Variants in NPHP1 observed in about 807,000 individuals in gnomAD.
The protein encoded by NPHP1 is nephrocystin-1.
In NPHP1, 70 loss-of-function variants were observed where a neutral mutation model predicts 90.4. That is an observed-to-expected ratio of 0.77 (90% confidence interval 0.64 to 0.95). The LOEUF (loss-of-function observed/expected upper bound fraction) is 0.95, where lower values mean the gene tolerates loss of function less well. NPHP1 is among the 40% of genes least tolerant of loss of function. The pLI, the probability that NPHP1 is intolerant of heterozygous loss-of-function variation, is 0.00. For synonymous variants in NPHP1, 256 were observed against 271.7 expected, an observed-to-expected ratio of 0.94 and a Z score of 0.57; for missense variants, 764 against 795.9, an observed-to-expected ratio of 0.96 and a Z score of 0.48.
chr2:110,123,564 T>C lies in NPHP1; in HGVS notation c.*227A>G, dbSNP rs1396036639. Reference sequence around the variant, plus strand: ...TAGCTGTTTTTGAAAAAATAAATACTGTTTAAATTTAGATATAACAGTATT... The same window carrying C: ...TAGCTGTTTTTGAAAAAATAAATACCGTTTAAATTTAGATATAACAGTATT... On this transcript the variant is annotated 3_prime_UTR_variant, in exon 20 of 20. Transcript: ENST00000445609. 4 of 451,954 alleles carry C rather than the reference T, an allele frequency of 8.9e-6. No homozygotes were observed. The Admixed American group carries it at 1.5e-4, about 16-fold the overall frequency. 28.0% of individuals were successfully genotyped at this position (451,954 alleles called of 1,614,324 possible). A position where few individuals can be genotyped will look rare whatever the true frequency, so the allele number is the denominator to read the frequency against.
intron 16 of NPHP1, among the ~76,000 whole-genome samples, chr2:110,142,068 A>T (rs1680688758): frequency 6.6e-6 from 1 of 152,060 alleles, no homozygotes; most frequent in African/African-American, 2.4e-5. Context: ...TCTCACTCCT[A>T]GGTATTTATA....
At chr2:110,174,289 GT>G (rs1406164198) in intron 4 of NPHP1, among the ~76,000 whole-genome samples, 8 of 151,952 alleles carry the variant, frequency 5.3e-5, no homozygotes, top group Admixed American at 1.3e-4. Context: ...TGTCTCATCT[GT>G]TTATTTCTCC....
rs746027698 is a variant in NPHP1, at chr2:110,143,586, T to C, written c.1485A>G (p.Leu495=). 8 of 1,613,858 alleles carry C rather than the reference T, an allele frequency of 5.0e-6. 1 individual carries two copies. In the South Asian group the frequency reaches 8.8e-5, roughly 18 times the overall value. ...IMTMRRQPQL[L]VKLRSLNRRS... ...TTCTGTTCAAGGATCTCAGTTTCAC[T>C]AGAAGTTGAGGCTGCCTTCTCATTG... Residue 495 remains leucine (L), a synonymous_variant, in exon 16 of 20, where the codon CTA becomes CTG. Coordinates refer to ENST00000445609, the MANE Select transcript of NPHP1 (RefSeq NM_001128178.3).
intron 2 of NPHP1, among the ~76,000 whole-genome samples, chr2:110,180,404 C>A (rs2104619222): frequency 6.9e-6 from 1 of 144,322 alleles, no homozygotes; most frequent in East Asian, 2.1e-4. Context: ...AAATGCTTTA[C>A]TAAACAATAA....
intron 2 of NPHP1, chr2:110,184,756 C>A (rs3197353): frequency 5.6e-6 from 4 of 714,442 alleles, no homozygotes; most frequent in South Asian, 1.4e-5. Context: ...TATCCATAAA[C>A]CCCCAGAAGG....
Position 110,144,503 on chromosome 2 carries a change from T to C in NPHP1, c.1419A>G (p.Ile473Met), listed in dbSNP as rs147945403. Residue 473 changes from isoleucine to methionine, a missense_variant, in exon 15 of 20, where the codon ATA (isoleucine) becomes ATG (methionine). Coordinates refer to ENST00000445609, the MANE Select transcript of NPHP1 (RefSeq NM_001128178.3). ...YEKGIEVDPS[I>M]SRRAHGSVFY... ...ACATGAGAGCCATACCTCTTCTGGA[T>C]ATTGAAGGGTCCACTTCAATACCTT... 158 of 1,601,398 alleles carry C rather than the reference T, an allele frequency of 9.9e-5. 1 individual carries two copies. In the African/African-American group the frequency reaches 2.0e-3, roughly 21 times the overall value.
intron 11 of NPHP1, among the ~76,000 whole-genome samples, chr2:110,152,176 T>G (rs1395916941): frequency 6.6e-6 from 1 of 152,096 alleles, no homozygotes; most frequent in Non-Finnish European, 1.5e-5. Context: ...CAAGAGGGGC[T>G]GGGTGCAGTG....
At chr2:110,157,887 A>T (rs1429836951) in intron 11 of NPHP1, among the ~76,000 whole-genome samples, 8 of 152,196 alleles carry the variant, frequency 5.3e-5, no homozygotes, top group African/African-American at 1.9e-4. Context: ...CTTCTCAGGA[A>T]GGAGCTTTGA....
At chr2:110,193,419 C>T (rs1178543926) in intron 2 of NPHP1, among the ~76,000 whole-genome samples, 1 of 152,034 alleles carries the variant, frequency 6.6e-6, no homozygotes, top group African/African-American at 2.4e-5. Flanking sequence ...AAGGCCATTA[C>T]ATAATGGTAA....
At chr2:110,190,859 T>C (rs1684669316) in intron 2 of NPHP1, among the ~76,000 whole-genome samples, 1 of 151,616 alleles carries the variant, frequency 6.6e-6, no homozygotes. Context: ...ATAAGCAAAT[T>C]TATAAGAAAA....
intron 1 of NPHP1, among the ~76,000 whole-genome samples, chr2:110,201,882 T>C (rs1685599425): frequency 6.6e-6 from 1 of 152,182 alleles, no homozygotes; most frequent in African/African-American, 2.4e-5. Context: ...AAAATTCTTA[T>C]CAAGATGTAG....
At chr2:110,126,623 T>C (rs1679389089) in intron 18 of NPHP1, 1 of 152,588 alleles carries the variant, frequency 6.6e-6, no homozygotes, top group African/African-American at 2.4e-5. Context: ...CCAGAGTGTT[T>C]TACTAAACAG....
intron 11 of NPHP1, among the ~76,000 whole-genome samples, chr2:110,158,205 G>T (rs529643308): frequency 1.4e-4 from 22 of 152,094 alleles, no homozygotes; most frequent in African/African-American, 5.3e-4. Flanking sequence ...GTCTAGGTTT[G>T]TTTTCTGACC....
At chr2:110,146,125 T>C (rs1444886048) in intron 14 of NPHP1, among the ~76,000 whole-genome samples, 2 of 152,314 alleles carry the variant, frequency 1.3e-5, no homozygotes, top group South Asian at 2.1e-4. Context: ...TTAATCACCA[T>C]CCTACTGCCT....
chr2:110,123,700 G>C lies in NPHP1; in HGVS notation c.*91C>G. ...AAGAGTAAAACCTAAGTTGTAAAGT[G>C]ACAGTGATTTTTGGTTCCATCATTT... is the stretch of plus-strand genomic sequence containing the variant. On this transcript the variant is annotated 3_prime_UTR_variant, in exon 20 of 20. Coordinates refer to ENST00000445609, the MANE Select transcript of NPHP1 (RefSeq NM_001128178.3). 7.7e-7 allele frequency: 1 copy of C among 1,298,586 alleles called. No individual in the cohort carries two copies. Among genetic ancestry groups the C allele is most frequent in the Non-Finnish European group, 1.1e-6 (1 of 899,376 alleles). The allele number at this position is 1,298,586 out of a possible 1,614,324, so 80.4% of individuals were successfully genotyped here.
chr2:110,152,241 C>T (rs1009384146), intron 11 of NPHP1, among the ~76,000 whole-genome samples: 2 of 151,948 alleles, frequency 1.3e-5, no homozygotes, highest in Non-Finnish European at 2.9e-5. Flanking sequence ...ATTGCTTGAG[C>T]TCAGGAGTTC....
rs778528184 is a variant in NPHP1, at chr2:110,150,237, G to A, written c.1103C>T (p.Thr368Ile). Residue 368 changes from threonine to isoleucine, a missense_variant, in exon 12 of 20, where the codon ACA (threonine) becomes ATA (isoleucine). Physicochemically the swap from Thr to Ile is moderately conservative, Grantham distance 89 (BLOSUM62 -1). Coordinates refer to ENST00000445609, the MANE Select transcript of NPHP1 (RefSeq NM_001128178.3). ...DGNKVLSNIH[T>I]VRATWQPKKP... ...TTTAGGTTGCCATGTGGCTCTGACT[G>A]TATGAATGTTGCTCAGAACCTGAAA... The A allele has an allele frequency of 4.3e-6, 7 of 1,613,930 alleles. No homozygotes were observed. Among genetic ancestry groups the A allele is most frequent in the South Asian group, 3.3e-5 (3 of 91,078 alleles).
At chr2:110,150,364 A>C in intron 11 of NPHP1, 108 bp from the exon 12 acceptor site, 1 of 976,210 alleles carries the variant, frequency 1.0e-6, no homozygotes, top group South Asian at 1.3e-5. Flanking sequence ...GGAAGATGGC[A>C]AGGGGAGAAC....
intron 16 of NPHP1, among the ~76,000 whole-genome samples, chr2:110,132,123 CA>C (rs1201104143): frequency 4.6e-5 from 7 of 152,282 alleles, no homozygotes; most frequent in African/African-American, 1.4e-4. Context: ...CAAGCTTTAA[CA>C]AAGGCATGTG....
Sources: gnomAD v4.1 joint callset for allele counts (sites outside exome capture counted in the v4.1 genomes callset) on GRCh38, gnomAD v4.1.1 for gene constraint, MANE v1.5 for transcripts, NCBI Gene and HGNC (gene_info 2026-07-23, HGNC 2026-07-21) for gene names.